The following SLC25A48 variants were observed in gnomAD, a reference collection of about 807,000 sequenced individuals.
SLC25A48 encodes the protein CTC-321K16.1.
Under a neutral mutation model 32.2 loss-of-function variants are expected in SLC25A48, and 29 were observed. The ratio of observed to expected loss-of-function variants is 0.90; its 90% CI spans 0.67 to 1.23. The LOEUF is 1.23. Among genes scored for constraint, SLC25A48 ranks in the 50% most tolerant of loss-of-function variants. The pLI is 0.00. For synonymous variants in SLC25A48, 164 were observed against 172.3 expected (o/e 0.95, Z 0.38); for missense variants, 399 against 422.7 (o/e 0.94, Z 0.49).
intron 3 of SLC25A48, among the ~76,000 whole-genome samples, chr5:135,811,281 C>G (rs1757585354): frequency 6.6e-6 from 1 of 152,150 alleles, no homozygotes. Flanking sequence ...CATGGATGAG[C>G]CTACAGGACA....
chr5:135,886,619 AT>A (rs1561567652), intron 7 of SLC25A48, among the ~76,000 whole-genome samples: 391 of 24,366 alleles, frequency 0.016, 25 homozygotes, highest in African/African-American at 0.051. Context: ...ATATATATAT[AT>A]ATATATATAT....
chr5:135,687,553 A>G (rs1329664265), intron 3 of SLC25A48, among the ~76,000 whole-genome samples: 1 of 152,158 alleles, frequency 6.6e-6, no homozygotes, highest in African/African-American at 2.4e-5. Flanking sequence ...ATGTCAATTC[A>G]GGTCAAGTCT....
intron 3 of SLC25A48, among the ~76,000 whole-genome samples, chr5:135,695,905 C>T (rs1754256019): frequency 6.6e-6 from 1 of 152,206 alleles, no homozygotes; most frequent in Non-Finnish European, 1.5e-5. Context: ...GCAAAAGTCT[C>T]TCCAAAAGCA....
chr5:135,707,220 G>A (rs560845467), intron 3 of SLC25A48, among the ~76,000 whole-genome samples: 7 of 152,272 alleles, frequency 4.6e-5, no homozygotes, highest in African/African-American at 1.7e-4. Flanking sequence ...ACGGCCTGTG[G>A]ACTACTGAAG....
At chr5:135,612,977 G>A (rs918274561) in intron 1 of SLC25A48, among the ~76,000 whole-genome samples, 11 of 152,094 alleles carry the variant, frequency 7.2e-5, no homozygotes, top group Non-Finnish European at 4.4e-5. Context: ...TTTATTTTTA[G>A]TTTTTTGAGA....
At chr5:135,772,180 C>G (rs188723358) in intron 3 of SLC25A48, among the ~76,000 whole-genome samples, 1 of 150,980 alleles carries the variant, frequency 6.6e-6, no homozygotes, top group Non-Finnish European at 1.5e-5. Context: ...GTTCGTAATA[C>G]CCAGGGTGTG....
At chr5:135,757,982 A>G (rs1755961115) in intron 3 of SLC25A48, among the ~76,000 whole-genome samples, 1 of 150,540 alleles carries the variant, frequency 6.6e-6, no homozygotes, top group Non-Finnish European at 1.5e-5. Context: ...TATGATATTA[A>G]TAGAATATCA....
At chr5:135,612,189 A>G (rs989327088) in intron 1 of SLC25A48, among the ~76,000 whole-genome samples, 3 of 152,262 alleles carry the variant, frequency 2.0e-5, no homozygotes, top group Non-Finnish European at 4.4e-5. Flanking sequence ...GCTGAAAGTC[A>G]TTAAAGATTA....
At chr5:135,793,093 C>T (rs72791345) in intron 3 of SLC25A48, among the ~76,000 whole-genome samples, 36,155 of 149,398 alleles carry the variant, frequency 0.24, 5,479 homozygotes, top group Non-Finnish European at 0.33. Context: ...AGATATTAGT[C>T]TCCTAATATC....
At chr5:135,801,080 G>A (rs1040568431) in intron 3 of SLC25A48, among the ~76,000 whole-genome samples, 1 of 151,352 alleles carries the variant, frequency 6.6e-6, no homozygotes, top group Admixed American at 6.6e-5. Flanking sequence ...TATCTCAGGG[G>A]TTGTAAACCC....
At chr5:135,634,488 A>G (rs1036664668) in intron 2 of SLC25A48, among the ~76,000 whole-genome samples, 9 of 152,252 alleles carry the variant, frequency 5.9e-5, no homozygotes, top group African/African-American at 2.2e-4. Flanking sequence ...CTAGAGAAAG[A>G]GAAGGCTTGG....
At chr5:135,748,279 C>T (rs1370730144) in intron 3 of SLC25A48, among the ~76,000 whole-genome samples, 1 of 152,162 alleles carries the variant, frequency 6.6e-6, no homozygotes, top group African/African-American at 2.4e-5. Flanking sequence ...CATTGGAGGG[C>T]AGGATGCAAG....
intron 3 of SLC25A48, among the ~76,000 whole-genome samples, chr5:135,654,132 G>A (rs1444164496): frequency 6.6e-6 from 1 of 152,198 alleles, no homozygotes; most frequent in Admixed American, 6.5e-5. Flanking sequence ...GAAAAGGAGT[G>A]CCCAAAATTG....
intron 5 of SLC25A48, chr5:135,872,055 C>A (rs943368272): frequency 4.9e-5 from 58 of 1,193,976 alleles, no homozygotes; most frequent in Non-Finnish European, 5.7e-5. Context: ...TGTAAGGATG[C>A]CATTAGTTCT....
chr5:135,832,425 G>A (rs943029037), upstream of SLC25A48, among the ~76,000 whole-genome samples: 1 of 152,188 alleles, frequency 6.6e-6, no homozygotes, highest in African/African-American at 2.4e-5. Context: ...CCAGGCCTTT[G>A]CTGCCCGAGT....
intron 1 of SLC25A48, among the ~76,000 whole-genome samples, chr5:135,604,564 C>G (rs1479825938): frequency 6.6e-6 from 1 of 152,204 alleles, no homozygotes; most frequent in Non-Finnish European, 1.5e-5. Context: ...CTCTGGTTCC[C>G]TATGAATAGT....
intron 3 of SLC25A48, among the ~76,000 whole-genome samples, chr5:135,711,477 A>G (rs1231073058): frequency 6.6e-6 from 1 of 152,124 alleles, no homozygotes; most frequent in Non-Finnish European, 1.5e-5. Flanking sequence ...GCTGCTTCAC[A>G]AGTTGCTTTT....
At chr5:135,590,029 A>G (rs1198899065) in intron 1 of SLC25A48, among the ~76,000 whole-genome samples, 1 of 152,188 alleles carries the variant, frequency 6.6e-6, no homozygotes, top group Non-Finnish European at 1.5e-5. Context: ...GGTTTTCATT[A>G]TGAGGTAAAT....
At position 135,851,875 on chromosome 5, in the gene SLC25A48, C is replaced by G. The variant is rs113583749; in HGVS notation, c.163-688C>G. ...CGGCCTGCAGCACCCCCTCCTCAGC[C>G]TCCTGCAGCCTGTGTGTGCGCATCC... On this transcript the variant is annotated intron_variant, in intron 3 of 7. Coordinates refer to ENST00000681962, the MANE Select transcript of SLC25A48 (RefSeq NM_001349336.2). Among the ~76,000 whole-genome samples, 47 of 152,274 alleles carry G rather than the reference C, an allele frequency of 3.1e-4. 1 individual carries two copies. The highest frequency in any genetic ancestry group is 3.4e-3 in the Middle Eastern group (1 of 294).
Sources: gnomAD v4.1 joint callset for allele counts (sites outside exome capture counted in the v4.1 genomes callset) on GRCh38, gnomAD v4.1.1 for gene constraint, MANE v1.5 for transcripts, NCBI Gene and HGNC (gene_info 2026-07-23, HGNC 2026-07-21) for gene names.